The following FAM220A variants were observed in gnomAD, a reference collection of about 807,000 sequenced individuals.
FAM220A encodes the protein family with sequence similarity 220 member A, also known as protein FAM220A.
For synonymous variants in FAM220A, 141 were observed against 130.7 expected (o/e 1.08, Z -0.54); for missense variants, 392 against 321.6 (o/e 1.22, Z -1.68).
intron 1 of FAM220A, among the ~76,000 whole-genome samples, chr7:6,334,131 C>G (rs553251904): frequency 3.3e-5 from 5 of 151,474 alleles, no homozygotes; most frequent in Non-Finnish European, 7.4e-5. Flanking sequence ...CAAGCGTGAG[C>G]CACCGCACCC....
rs1486361595 is a variant in FAM220A at position 6,348,937 on chromosome 7, A to G, written c.-446T>C. On this transcript the variant is annotated 5_prime_UTR_variant, in exon 1 of 2. Transcript: ENST00000313324. ...CGCTCGGAGAAGTGCCTCCGCGAGCAGCCGCCTGTACCAGCCTGGCCGCGC... is the reference window on the plus strand; with the variant it reads ...CGCTCGGAGAAGTGCCTCCGCGAGCGGCCGCCTGTACCAGCCTGGCCGCGC... 1.3e-5 allele frequency: 5 copies of G among 382,398 alleles called. No individual in the cohort carries two copies. In the East Asian group the frequency reaches 1.9e-4, roughly 14 times the overall value. 23.7% of individuals were successfully genotyped at this position (382,398 alleles called of 1,614,324 possible).
rs1468315746 is a variant in FAM220A at position 6,348,967 on chromosome 7, T to C, written c.-476A>G. 2 of 374,398 alleles carry C rather than the reference T, an allele frequency of 5.3e-6. No individual in the cohort carries two copies. The highest frequency in any genetic ancestry group is 9.5e-6 in the Non-Finnish European group (2 of 211,180). 23.2% of individuals were successfully genotyped at this position (374,398 alleles called of 1,614,324 possible). Reference sequence around the variant, plus strand: ...CCTGTACCAGCCTGGCCGCGCAGCCTGACGTCACAAAGCCAGCCACGCGCC... The same window carrying C: ...CCTGTACCAGCCTGGCCGCGCAGCCCGACGTCACAAAGCCAGCCACGCGCC... On this transcript the variant is annotated 5_prime_UTR_variant, in exon 1 of 2. Transcript: ENST00000313324.
chr7:6,344,771 C>G (rs535887628), intron 1 of FAM220A, among the ~76,000 whole-genome samples: 53 of 152,180 alleles, frequency 3.5e-4, no homozygotes, highest in African/African-American at 1.2e-3. Flanking sequence ...GACGGAGTCT[C>G]ACTGTGTTGC....
chr7:6,343,944 G>A (rs1016097752), intron 1 of FAM220A, among the ~76,000 whole-genome samples: 1 of 152,082 alleles, frequency 6.6e-6, no homozygotes, highest in South Asian at 2.1e-4. Flanking sequence ...GGAGAGCAGT[G>A]GTGGGATCAT....
intron 1 of FAM220A, among the ~76,000 whole-genome samples, chr7:6,340,791 C>A (rs541331892): frequency 6.7e-6 from 1 of 149,832 alleles, no homozygotes; most frequent in Non-Finnish European, 1.5e-5. Context: ...CCCAGCTACT[C>A]GGGAGGCTGA....
chr7:6,347,883 T>TTTTTTATTATTATTATTA (rs376869408), intron 1 of FAM220A, among the ~76,000 whole-genome samples: 1 of 131,538 alleles, frequency 7.6e-6, no homozygotes, highest in South Asian at 2.6e-4. Flanking sequence ...ACGAGACCCC[T>TTTTTTATTATTATTATTA]TTATTATTAT....
rs150862379 is a variant in FAM220A at position 6,330,684 on chromosome 7, G to A, written c.471C>T (p.Arg157=). 30 of 1,613,984 alleles carry A rather than the reference G, an allele frequency of 1.9e-5. No homozygotes were observed. The highest frequency in any genetic ancestry group is 2.5e-5 in the Non-Finnish European group (30 of 1,180,016). The change falls in exon 2 of 2, where the codon CGC becomes CGT. Residue 157 remains arginine, a synonymous_variant. Coordinates refer to ENST00000313324, the MANE Select transcript of FAM220A (RefSeq NM_001037163.2). ...TTCCCATTTCCGGCACTTTTTGATGGCGTGGCAGTCGTGACACCCGAGGCT... is the reference window on the plus strand; with the variant it reads ...TTCCCATTTCCGGCACTTTTTGATGACGTGGCAGTCGTGACACCCGAGGCT... ...KGEPRVSRLP[R]HQKVPEMGSF...
Position 6,348,864 on chromosome 7 carries a change from C to CT in FAM220A, c.-374dup, listed in dbSNP as rs1212896389. The CT allele has an allele frequency of 1.5e-5, 6 of 389,502 alleles. No individual in the cohort carries two copies. Among genetic ancestry groups the CT allele is most frequent in the African/African-American group, 1.2e-4 (6 of 48,116 alleles). The allele number at this position is 389,502 out of a possible 1,614,324, so 24.1% of individuals were successfully genotyped here. A position where few individuals can be genotyped will look rare whatever the true frequency, so the allele number is the denominator to read the frequency against. On this transcript the variant is annotated 5_prime_UTR_variant, in exon 1 of 2. Coordinates refer to ENST00000313324, the MANE Select transcript of FAM220A (RefSeq NM_001037163.2). ...GCTCAGGGAGCGAAGGAGGCGGCGG[C>CT]TAGACCGGCGGGCGGGCGGGCCGCA...
intron 1 of FAM220A, chr7:6,341,800 C>A (rs901062753): frequency 6.6e-6 from 1 of 151,842 alleles, no homozygotes; most frequent in Non-Finnish European, 1.5e-5. Flanking sequence ...GGGTTCAAGA[C>A]CAGCCTGGCC....
intron 1 of FAM220A, among the ~76,000 whole-genome samples, chr7:6,331,478 T>G (rs1327532534): frequency 1.3e-5 from 2 of 151,778 alleles, no homozygotes; most frequent in Non-Finnish European, 2.9e-5. Flanking sequence ...AAGGTTTTTG[T>G]TTTTTTGAGA....
At chr7:6,346,957 G>A (rs1162393863) in intron 1 of FAM220A, among the ~76,000 whole-genome samples, 4 of 152,150 alleles carry the variant, frequency 2.6e-5, no homozygotes, top group African/African-American at 9.7e-5. Context: ...CAAATGGAAT[G>A]CAAGAGGGGC....
chr7:6,347,167 A>G (rs1469314263), intron 1 of FAM220A, among the ~76,000 whole-genome samples: 1 of 152,110 alleles, frequency 6.6e-6, no homozygotes, highest in Admixed American at 6.6e-5. Context: ...TCTCTACCAA[A>G]AAGGAAAATA....
chr7:6,331,448 C>T (rs569926144), intron 1 of FAM220A, among the ~76,000 whole-genome samples: 1 of 152,310 alleles, frequency 6.6e-6, no homozygotes, highest in South Asian at 2.1e-4. Flanking sequence ...CAGGTGTGAG[C>T]CACCATGCCC....
At chr7:6,333,732 C>T (rs1193691247) in intron 1 of FAM220A, among the ~76,000 whole-genome samples, 2 of 150,116 alleles carry the variant, frequency 1.3e-5, no homozygotes, top group East Asian at 3.9e-4. Context: ...GGAAAGTGCA[C>T]TTCGAAGAGA....
At chr7:6,338,204 G>A (rs549130215) in intron 1 of FAM220A, among the ~76,000 whole-genome samples, 6 of 152,092 alleles carry the variant, frequency 3.9e-5, no homozygotes, top group East Asian at 1.9e-4. Flanking sequence ...GTATTCTGAG[G>A]GCCACAAATA....
chr7:6,345,116 CTTG>C (rs1001560003), intron 1 of FAM220A, among the ~76,000 whole-genome samples: 4 of 150,798 alleles, frequency 2.7e-5, no homozygotes, highest in Admixed American at 6.6e-5. Context: ...ATGTGTTTTT[CTTG>C]TTGTTGTTTA....
Position 6,334,136 on chromosome 7 carries a change from G to A in FAM220A, c.-81-2901C>T, listed in dbSNP as rs111342484. On this transcript the variant is annotated intron_variant, in intron 1 of 1. Coordinates refer to ENST00000313324, the MANE Select transcript of FAM220A (RefSeq NM_001037163.2). ...GCTGGGATTACAAGCGTGAGCCACC[G>A]CACCCAGCCGAACTCCTGGTCTCTT... 5.0e-3 allele frequency among the ~76,000 whole-genome samples: 758 copies of A among 151,134 alleles called. 3 individuals are homozygous for A. Among genetic ancestry groups the A allele is most frequent in the African/African-American group, 0.012 (507 of 41,242 alleles).
At chr7:6,344,121 G>A (rs548394563) in intron 1 of FAM220A, among the ~76,000 whole-genome samples, 6 of 151,084 alleles carry the variant, frequency 4.0e-5, no homozygotes, top group African/African-American at 1.5e-4. Context: ...GGCCTCAAGC[G>A]AGGGTAAAGC....
intron 1 of FAM220A, among the ~76,000 whole-genome samples, chr7:6,345,789 GAC>G (rs908261038): frequency 3.3e-5 from 5 of 151,608 alleles, no homozygotes; most frequent in African/African-American, 1.2e-4. Flanking sequence ...ATTTTTTTGA[GAC>G]AGAGTCTCGC....
Sources: allele counts gnomAD v4.1 joint callset (sites outside exome capture counted in the v4.1 genomes callset), GRCh38; gene constraint gnomAD v4.1.1; transcripts MANE v1.5; gene names NCBI Gene and HGNC (gene_info 2026-07-23, HGNC 2026-07-21).